The following PELI2 variants were observed in gnomAD, a reference collection of about 807,000 sequenced individuals.
PELI2 encodes the protein pellino E3 ubiquitin protein ligase family member 2, also known as E3 ubiquitin-protein ligase pellino homolog 2.
PELI2 carries 23 observed loss-of-function variants against 42.3 expected under a neutral mutation model. That is an observed-to-expected ratio of 0.54 (90% CI 0.39 to 0.77). PELI2 has a LOEUF of 0.77. Ranked by LOEUF, PELI2 falls within the 30% of genes least tolerant of loss-of-function variation. PELI2 has a pLI of 0.00. For missense variants in PELI2, 463 were observed against 553.2 expected (o/e 0.84, Z 1.64); for synonymous variants, 245 against 212.2 (o/e 1.15, Z -1.34).
At chr14:56,196,520 A>C (rs1276559666) in intron 2 of PELI2, among the ~76,000 whole-genome samples, 1 of 152,240 alleles carries the variant, frequency 6.6e-6, no homozygotes, top group Non-Finnish European at 1.5e-5. Flanking sequence ...GCTGAAAGAA[A>C]AAAATCTGCA....
chr14:56,160,546 A>G lies in PELI2; in HGVS notation c.78-17789A>G. Among the ~76,000 whole-genome samples the G allele has an allele frequency of 1.3e-5, 2 of 152,156 alleles. 1 individual carries two copies. Among genetic ancestry groups the G allele is most frequent in the East Asian group, 3.9e-4 (2 of 5,194 alleles). On this transcript the variant is annotated intron_variant, in intron 1 of 5. Coordinates refer to ENST00000267460, the MANE Select transcript of PELI2 (RefSeq NM_021255.3). ...GAACTTTTTAATAGCCTTGGGAAGC[A>G]TTTTGGCATGGGGAAGCTGGAAAAC...
chr14:56,238,035 C>T (rs1887857409), intron 2 of PELI2, among the ~76,000 whole-genome samples: 2 of 151,844 alleles, frequency 1.3e-5, no homozygotes, highest in African/African-American at 2.4e-5. Context: ...ATATTAAGGC[C>T]CTGATTTAAT....
chr14:56,266,503 T>C (rs1888910783), intron 2 of PELI2, among the ~76,000 whole-genome samples: 1 of 152,064 alleles, frequency 6.6e-6, no homozygotes, highest in Admixed American at 6.6e-5. Context: ...AAAGCCTTAT[T>C]CATAGAAATG....
intron 3 of PELI2, among the ~76,000 whole-genome samples, chr14:56,280,815 T>C (rs1309042861): frequency 6.6e-6 from 1 of 152,044 alleles, no homozygotes; most frequent in Admixed American, 6.6e-5. Flanking sequence ...TAGAGACAAT[T>C]AGGGCAACAA....
At chr14:56,223,876 A>G (rs1210576184) in intron 2 of PELI2, among the ~76,000 whole-genome samples, 3 of 152,190 alleles carry the variant, frequency 2.0e-5, no homozygotes, top group African/African-American at 7.2e-5. Context: ...AGATTAATTT[A>G]CCAGTTCGTG....
chr14:56,190,709 A>G (rs1367407173), intron 2 of PELI2, among the ~76,000 whole-genome samples: 1 of 152,252 alleles, frequency 6.6e-6, no homozygotes, highest in Non-Finnish European at 1.5e-5. Context: ...TCATTGCTAT[A>G]TAATATTCCA....
At chr14:56,222,730 T>TG (rs1341204515) in intron 2 of PELI2, among the ~76,000 whole-genome samples, 1 of 152,170 alleles carries the variant, frequency 6.6e-6, no homozygotes, top group Non-Finnish European at 1.5e-5. Context: ...GCTTGGTGAA[T>TG]GGATGGTCCT....
chr14:56,200,513 A>G (rs947954208), intron 2 of PELI2, among the ~76,000 whole-genome samples: 4 of 152,178 alleles, frequency 2.6e-5, no homozygotes, highest in Admixed American at 6.5e-5. Context: ...TCGTTACCCT[A>G]TAGGGTACCA....
chr14:56,166,417 GT>G (rs1320714504), intron 1 of PELI2, among the ~76,000 whole-genome samples: 1 of 152,186 alleles, frequency 6.6e-6, no homozygotes, highest in African/African-American at 2.4e-5. Flanking sequence ...CATAGTTAGT[GT>G]TAATAATATT....
At position 56,180,565 on chromosome 14, in the gene PELI2, T is replaced by A. The variant is rs1885542243; in HGVS notation, c.207+2101T>A. Among the ~76,000 whole-genome samples, 1 of 152,222 alleles carries A rather than the reference T, an allele frequency of 6.6e-6. No homozygotes were observed. The highest frequency in any genetic ancestry group is 2.4e-5 in the African/African-American group (1 of 41,452). ...AGGTCTCCCCTGGGTCACCGAACTA[T>A]GACCAAGGGAGATGGGCAAACTAAG... On this transcript the variant is annotated intron_variant, in intron 2 of 5. Coordinates refer to ENST00000267460, the MANE Select transcript of PELI2 (RefSeq NM_021255.3). The surrounding 1 kb of genome is among the most constrained non-coding windows in gnomAD (Gnocchi z 4.4).
chr14:56,209,438 T>G (rs771986138), intron 2 of PELI2, among the ~76,000 whole-genome samples: 2 of 152,224 alleles, frequency 1.3e-5, no homozygotes, highest in Admixed American at 1.3e-4. Flanking sequence ...GAAGCAGATA[T>G]GAGAATTGAG....
intron 1 of PELI2, among the ~76,000 whole-genome samples, chr14:56,137,445 CT>C (rs1463944160): frequency 2.0e-5 from 3 of 152,156 alleles, no homozygotes; most frequent in Non-Finnish European, 4.4e-5. Flanking sequence ...AAACAGCAGA[CT>C]TTTTTCCAGG....
intron 2 of PELI2, among the ~76,000 whole-genome samples, chr14:56,240,244 T>C (rs1305128583): frequency 1.3e-5 from 2 of 152,084 alleles, no homozygotes; most frequent in African/African-American, 4.8e-5. Flanking sequence ...GCAGGAGACC[T>C]GTTAGGATAG....
intron 1 of PELI2, among the ~76,000 whole-genome samples, chr14:56,166,162 A>C (rs916629356): frequency 6.6e-6 from 1 of 152,162 alleles, no homozygotes; most frequent in Non-Finnish European, 1.5e-5. Context: ...TGAGGATAAC[A>C]TGAGGCTTGC....
rs543325849 is a variant in PELI2 at position 56,187,559 on chromosome 14, G to T, written c.207+9095G>T. 2.0e-5 allele frequency among the ~76,000 whole-genome samples: 3 copies of T among 152,310 alleles called. No individual in the cohort carries two copies. The South Asian group carries it at 6.2e-4, about 32-fold the overall frequency. On this transcript the variant is annotated intron_variant, in intron 2 of 5. Transcript: ENST00000267460. ...CAGACTTCAAGGGAGGATCATTGAG[G>T]TACCAGTGGCTGACTTGGAATGGTT... is the stretch of plus-strand genomic sequence containing the variant.
At chr14:56,134,529 G>T (rs556269205) in intron 1 of PELI2, among the ~76,000 whole-genome samples, 1 of 151,996 alleles carries the variant, frequency 6.6e-6, no homozygotes, top group East Asian at 1.9e-4. Flanking sequence ...AGAGAACTTT[G>T]TGCTTATAAT....
At chr14:56,213,163 A>G (rs1886770091) in intron 2 of PELI2, among the ~76,000 whole-genome samples, 1 of 152,228 alleles carries the variant, frequency 6.6e-6, no homozygotes, top group African/African-American at 2.4e-5. Flanking sequence ...GTTCTGAAGA[A>G]TAGGAACTCT....
chr14:56,264,313 C>T (rs1264831171), intron 2 of PELI2, among the ~76,000 whole-genome samples: 1 of 152,116 alleles, frequency 6.6e-6, no homozygotes, highest in East Asian at 1.9e-4. Context: ...TTCCTAGGTG[C>T]AAGAACACTG....
intron 2 of PELI2, among the ~76,000 whole-genome samples, chr14:56,225,527 C>T (rs1815728954): frequency 6.6e-6 from 1 of 152,160 alleles, no homozygotes; most frequent in African/African-American, 2.4e-5. Flanking sequence ...CTGAATGGAG[C>T]ACATTTTCAA....
Sources: gnomAD v4.1 joint callset for allele counts (sites outside exome capture counted in the v4.1 genomes callset) on GRCh38, gnomAD v4.1.1 for gene constraint, Gnocchi (gnomAD v3.1) non-coding constraint, MANE v1.5 for transcripts, NCBI Gene and HGNC (gene_info 2026-07-23, HGNC 2026-07-21) for gene names.